Variants in CAPZA2 observed in about 807,000 individuals in gnomAD.
CAPZA2 encodes F-actin-capping protein subunit alpha-2.
CAPZA2 carries 13 observed loss-of-function variants against 44.0 expected under a neutral mutation model. The observed-to-expected ratio is 0.30, with a 90% CI of 0.19 to 0.47. The LOEUF (loss-of-function observed/expected upper bound fraction) is 0.47, where lower values mean the gene tolerates loss of function less well. CAPZA2 is among the 20% of genes least tolerant of loss of function. The pLI is 1.00. For missense variants in CAPZA2, 244 were observed against 338.6 expected, an observed-to-expected ratio of 0.72 and a Z score of 2.19; for synonymous variants, 94 against 108.2, an observed-to-expected ratio of 0.87 and a Z score of 0.81.
intron 3 of CAPZA2, 149 bp from the exon 4 acceptor site, chr7:116,898,621 GTA>G (rs1796955713): frequency 2.2e-6 from 1 of 444,506 alleles, no homozygotes; most frequent in African/African-American, 2.0e-5. Flanking sequence ...TTTGTAGTTA[GTA>G]TAAGTTCAGT....
intron 2 of CAPZA2, among the ~76,000 whole-genome samples, chr7:116,890,800 G>A (rs1240307774): frequency 4.7e-4 from 37 of 79,354 alleles, no homozygotes; most frequent in African/African-American, 9.8e-4. Context: ...AAAAAAAAAA[G>A]AGTTAGAAAA....
chr7:116,869,429 T>C (rs1271075055), intron 1 of CAPZA2, among the ~76,000 whole-genome samples: 1 of 152,228 alleles, frequency 6.6e-6, no homozygotes, highest in Non-Finnish European at 1.5e-5. Flanking sequence ...AAATGACTTT[T>C]GAAATCCATT....
chr7:116,913,191 TACATGA>T (rs1791619725), intron 8 of CAPZA2, among the ~76,000 whole-genome samples: 2 of 152,240 alleles, frequency 1.3e-5, no homozygotes, highest in South Asian at 4.1e-4. Flanking sequence ...GTGTATCACA[TACATGA>T]TTTCAGATAT....
chr7:116,879,124 CAAA>C (rs71148337), intron 1 of CAPZA2, among the ~76,000 whole-genome samples: 397 of 45,262 alleles, frequency 8.8e-3, no homozygotes, highest in African/African-American at 0.028. Context: ...AACTCTGTCT[CAAA>C]AAAAAAAAAA....
intron 7 of CAPZA2, among the ~76,000 whole-genome samples, chr7:116,911,360 A>C (rs943429148): frequency 6.6e-6 from 1 of 152,180 alleles, no homozygotes; most frequent in Non-Finnish European, 1.5e-5. Context: ...ACTATGTAAG[A>C]CCATTTAGTA....
At chr7:116,879,996 A>G (rs1796671118) in intron 1 of CAPZA2, 4 of 417,038 alleles carry the variant, frequency 9.6e-6, no homozygotes, top group Non-Finnish European at 1.4e-5. Context: ...GCCAGGCACC[A>G]TTCTAAGCAC....
intron 1 of CAPZA2, chr7:116,886,094 A>C (rs564512331): frequency 1.3e-5 from 2 of 154,952 alleles, no homozygotes; most frequent in Non-Finnish European, 2.9e-5. Flanking sequence ...GATAGATAAC[A>C]AAAAGATGAT....
chr7:116,913,834 G>GA (rs1433320674), intron 8 of CAPZA2, among the ~76,000 whole-genome samples: 1 of 117,502 alleles, frequency 8.5e-6, no homozygotes, highest in Non-Finnish European at 1.7e-5. Flanking sequence ...AGCTAGTCTT[G>GA]AACTCCTGGA....
intron 1 of CAPZA2, chr7:116,875,247 A>G (rs933956609): frequency 6.6e-6 from 1 of 152,312 alleles, no homozygotes; most frequent in East Asian, 1.9e-4. Context: ...GGAATCACAA[A>G]CTACCAAATG....
intron 4 of CAPZA2, among the ~76,000 whole-genome samples, chr7:116,901,881 A>ATGTGTGTGTGTGTGTGTG (rs1554410805): frequency 2.8e-5 from 4 of 140,900 alleles, no homozygotes; most frequent in South Asian, 2.3e-4. Context: ...TAACGAAGAA[A>ATGTGTGTGTGTGTGTGTG]TGTGTGTGTG....
chr7:116,864,885 T>C (rs115582290), intron 1 of CAPZA2, among the ~76,000 whole-genome samples: 265 of 152,254 alleles, frequency 1.7e-3, no homozygotes, highest in African/African-American at 5.8e-3. Context: ...AAAAAAAATA[T>C]TAAGTTTTGA....
chr7:116,872,742 TA>T (rs1280014165), intron 1 of CAPZA2, among the ~76,000 whole-genome samples: 1 of 152,238 alleles, frequency 6.6e-6, no homozygotes, highest in African/African-American at 2.4e-5. Flanking sequence ...GAAAAGTGCA[TA>T]GTGGCTCCTT....
At chr7:116,897,725 C>T (rs1796945173) in intron 3 of CAPZA2, among the ~76,000 whole-genome samples, 1 of 152,046 alleles carries the variant, frequency 6.6e-6, no homozygotes, top group South Asian at 2.1e-4. Flanking sequence ...TTTTTCTATA[C>T]ATATATATGG....
chr7:116,886,968 G>A (rs1360459144), intron 1 of CAPZA2, among the ~76,000 whole-genome samples: 2 of 152,152 alleles, frequency 1.3e-5, no homozygotes, highest in African/African-American at 4.8e-5. Flanking sequence ...ATGCCTGTTA[G>A]CACACCTGTT....
chr7:116,882,778 G>GA (rs931211244), intron 1 of CAPZA2, among the ~76,000 whole-genome samples: 3 of 152,100 alleles, frequency 2.0e-5, no homozygotes, highest in Admixed American at 1.3e-4. Flanking sequence ...GGAATCAAGA[G>GA]AAAAAATGTA....
chr7:116,885,249 G>GT (rs575378654), intron 1 of CAPZA2, among the ~76,000 whole-genome samples: 63 of 146,646 alleles, frequency 4.3e-4, no homozygotes, highest in East Asian at 9.9e-4. Context: ...CAGCTCACTA[G>GT]TTTTTTTTTT....
At chr7:116,870,640 A>G (rs1241093542) in intron 1 of CAPZA2, among the ~76,000 whole-genome samples, 1 of 152,208 alleles carries the variant, frequency 6.6e-6, no homozygotes, top group African/African-American at 2.4e-5. Context: ...CCTGGTGGAC[A>G]GATTCACCCC....
chr7:116,889,583 A>T (rs1396158150), intron 2 of CAPZA2, among the ~76,000 whole-genome samples: 1 of 151,480 alleles, frequency 6.6e-6, no homozygotes, highest in African/African-American at 2.4e-5. Context: ...AAAAAAAAAG[A>T]TATAATGGAA....
intron 6 of CAPZA2, among the ~76,000 whole-genome samples, chr7:116,907,147 C>A (rs1425286475): frequency 2.0e-5 from 3 of 152,194 alleles, no homozygotes; most frequent in Non-Finnish European, 1.5e-5. Flanking sequence ...TAACAGGTAA[C>A]CCCTGTGGGC....
Sources: allele counts gnomAD v4.1 joint callset (sites outside exome capture counted in the v4.1 genomes callset), GRCh38; gene constraint gnomAD v4.1.1; transcripts MANE v1.5; gene names NCBI Gene and HGNC (gene_info 2026-07-23, HGNC 2026-07-21).